ERG28: variants seen among roughly 807,000 people sequenced by gnomAD.
The protein encoded by ERG28 is ergosterol biosynthesis 28 homolog.
ERG28 carries 9 observed loss-of-function variants against 15.7 expected under a neutral mutation model. The observed-to-expected ratio is 0.57, with a 90% confidence interval of 0.35 to 1.00. The LOEUF is 1.00. Among genes scored for constraint, ERG28 ranks in the 50% least tolerant of loss-of-function variants. ERG28 has a pLI of 0.02. For missense variants in ERG28, 117 were observed against 173.3 expected, an observed-to-expected ratio of 0.68 and a Z score of 1.82; for synonymous variants, 61 against 68.4, an observed-to-expected ratio of 0.89 and a Z score of 0.53.
At chr14:75,651,678 C>T in intron 4 of ERG28, 44 bp from the exon 5 acceptor site, 1 of 1,596,716 alleles carries the variant, frequency 6.3e-7, no homozygotes, top group Non-Finnish European at 8.6e-7. Context: ...ACATACGGTA[C>T]CTTTCTTCTC....
At chr14:75,657,326 C>A (rs1213351164) in intron 2 of ERG28, 44 bp downstream of exon 2, 1 of 1,609,042 alleles carries the variant, frequency 6.2e-7, no homozygotes, top group East Asian at 2.2e-5. Flanking sequence ...TAGGGCCAGT[C>A]CTATAAGTCC....
At chr14:75,655,081 T>C in intron 2 of ERG28, 105 bp from the exon 3 acceptor site, 1 of 1,105,742 alleles carries the variant, frequency 9.0e-7, no homozygotes, top group Non-Finnish European at 1.4e-6. Context: ...GAGCTGGACC[T>C]GACCTCTCTG....
intron 3 of ERG28, 115 bp downstream of exon 3, chr14:75,654,771 C>T (rs762742569): frequency 7.9e-6 from 9 of 1,134,266 alleles, no homozygotes; most frequent in Non-Finnish European, 1.2e-5. Flanking sequence ...TTATTATTCA[C>T]ATTCTAAGCT....
intron 4 of ERG28, 42 bp from the exon 5 acceptor site, chr14:75,651,676 T>TAC (rs775703018): frequency 6.3e-7 from 1 of 1,598,292 alleles, no homozygotes; most frequent in South Asian, 1.1e-5. Flanking sequence ...ATACATACGG[T>TAC]ACCTTTCTTC....
intron 2 of ERG28, 121 bp downstream of exon 2, chr14:75,657,249 G>A: frequency 8.0e-7 from 1 of 1,244,818 alleles, no homozygotes; most frequent in South Asian, 1.6e-5. Context: ...TGAGGGAAAT[G>A]GGTACCTGTG....
intron 1 of ERG28, 87 bp downstream of exon 1, chr14:75,660,688 A>C (rs1594825787): frequency 1.3e-5 from 2 of 149,380 alleles, no homozygotes; most frequent in East Asian, 2.0e-4. Context: ...CTTCCATCCC[A>C]CCTCCATTTT....
At position 75,650,926 on chromosome 14, in the gene ERG28, G is replaced by A. The variant is rs1305406933; in HGVS notation, c.*629C>T. On this transcript the variant is annotated 3_prime_UTR_variant, in exon 5 of 5. Transcript: ENST00000256319. ...GAGGGTTTTTCTATTTATTACAAAA[G>A]TTGTTACACAAATACAGCTGACCAG... The A allele has an allele frequency of 6.6e-6, 1 of 152,616 alleles. No homozygotes were observed. Among genetic ancestry groups the A allele is most frequent in the East Asian group, 1.9e-4 (1 of 5,200 alleles). The allele number at this position is 152,616 out of a possible 1,614,324, so 9.5% of individuals were successfully genotyped here.
intron 3 of ERG28, among the ~76,000 whole-genome samples, chr14:75,653,533 C>T (rs1183172422): frequency 4.0e-5 from 6 of 148,844 alleles, no homozygotes; most frequent in Non-Finnish European, 1.5e-5. Flanking sequence ...ACCCAGGAGG[C>T]GGAGGTGGAG....
At chr14:75,659,829 A>G (rs1890655066) in intron 1 of ERG28, among the ~76,000 whole-genome samples, 1 of 151,570 alleles carries the variant, frequency 6.6e-6, no homozygotes, top group Admixed American at 6.6e-5. Flanking sequence ...GACAGATATT[A>G]AAGTCAGCAA....
chr14:75,653,177 G>C (rs980523143), intron 3 of ERG28, among the ~76,000 whole-genome samples: 1 of 152,076 alleles, frequency 6.6e-6, no homozygotes, highest in African/African-American at 2.4e-5. Flanking sequence ...AGTTAGGGAG[G>C]GAATAGGATC....
At chr14:75,653,357 C>T (rs1451668837) in intron 3 of ERG28, among the ~76,000 whole-genome samples, 1 of 151,708 alleles carries the variant, frequency 6.6e-6, no homozygotes, top group African/African-American at 2.4e-5. Context: ...GTAATCCCAG[C>T]ACCTTGGAGG....
chr14:75,650,272 T>C lies in ERG28; in HGVS notation c.*1283A>G, dbSNP rs1165770621. The C allele has an allele frequency of 6.6e-6, 1 of 152,320 alleles. No individual in the cohort carries two copies. Among genetic ancestry groups the C allele is most frequent in the Non-Finnish European group, 1.5e-5 (1 of 68,082 alleles). 9.4% of individuals were successfully genotyped at this position (152,320 alleles called of 1,614,324 possible). ...AATACCTTGTGTTTGTTAGAGTTCT[T>C]ATCCCTATTTGAAGTTCTTTATTTT... On this transcript the variant is annotated 3_prime_UTR_variant, in exon 5 of 5. Coordinates refer to ENST00000256319, the MANE Select transcript of ERG28 (RefSeq NM_007176.4).
At chr14:75,655,443 A>C (rs1057134201) in intron 2 of ERG28, among the ~76,000 whole-genome samples, 37 of 152,086 alleles carry the variant, frequency 2.4e-4, no homozygotes, top group African/African-American at 8.9e-4. Flanking sequence ...GGTCTTTAAG[A>C]TATGTGAGTG....
Position 75,651,290 on chromosome 14 carries a change from C to T in ERG28, c.*265G>A. The T allele has an allele frequency of 3.3e-6, 1 of 303,124 alleles. No individual in the cohort carries two copies. The highest frequency in any genetic ancestry group is 7.7e-5 in the South Asian group (1 of 13,042). The allele number at this position is 303,124 out of a possible 1,614,324, so 18.8% of individuals were successfully genotyped here. ...AGAGGTTGCAGGTAGGGGAAGGAGA[C>T]ACAGTGGGCTTCCGAGAAGCTGGCA... is the stretch of plus-strand genomic sequence containing the variant. On this transcript the variant is annotated 3_prime_UTR_variant, in exon 5 of 5. Transcript: ENST00000256319.
At position 75,651,879 on chromosome 14, in the gene ERG28, T is replaced by C. The variant is rs537865439; in HGVS notation, c.235A>G (p.Ile79Val). The change falls in exon 4 of 5, where the codon ATC (isoleucine) becomes GTC (valine). Residue 79 changes from isoleucine (I) to valine (V), a missense_variant. Transcript: ENST00000256319. The part of the protein sequence containing the change: ...IDIHNKTLYH[I>V]TLWTFLLALG... ...GCAAGGAGGAAGGTCCAGAGTGTGA[T>C]GTGATAGAGCCTATAAGGAAGCAGA... 15 of 1,609,144 alleles carry C rather than the reference T, an allele frequency of 9.3e-6. 1 individual carries two copies. In the South Asian group the frequency reaches 1.6e-4, roughly 18 times the overall value.
At chr14:75,654,829 T>C in intron 3 of ERG28, 57 bp downstream of exon 3, 1 of 1,503,432 alleles carries the variant, frequency 6.7e-7, no homozygotes, top group South Asian at 1.1e-5. Context: ...GTAACAGGTA[T>C]GCCTCGCATC....
chr14:75,652,153 C>T (rs1293875116), intron 3 of ERG28, among the ~76,000 whole-genome samples: 1 of 152,236 alleles, frequency 6.6e-6, no homozygotes, highest in Non-Finnish European at 1.5e-5. Context: ...AAGTGGTGAA[C>T]TCAGCTATAG....
rs931375581 is a variant in ERG28, at chr14:75,655,084, C to G, written c.134-108G>C. 3 of 1,082,178 alleles carry G rather than the reference C, an allele frequency of 2.8e-6. No homozygotes were observed. In the African/African-American group the frequency reaches 4.7e-5, roughly 17 times the overall value. 67.0% of individuals were successfully genotyped at this position (1,082,178 alleles called of 1,614,324 possible). A position where few individuals can be genotyped will look rare whatever the true frequency, so the allele number is the denominator to read the frequency against. ...ATGGGAGATAGGGAGCTGGACCTGA[C>G]CTCTCTGTGGCTGGGCAGGATGGAG... is the stretch of plus-strand genomic sequence containing the variant. On this transcript the variant is annotated intron_variant, in intron 2 of 4. Coordinates refer to ENST00000256319, the MANE Select transcript of ERG28 (RefSeq NM_007176.4).
chr14:75,660,209 C>G lies in ERG28; in HGVS notation c.-32+566G>C, dbSNP rs112494718. Among the ~76,000 whole-genome samples, 612 of 152,344 alleles carry G rather than the reference C, an allele frequency of 4.0e-3. 3 individuals carry two copies. Among genetic ancestry groups the G allele is most frequent in the Non-Finnish European group, 5.8e-3 (394 of 68,032 alleles). ...ATAGCTGATGAGGACAGAGCCTGAGCACTTCTGAATTGCTCTGCCAATTTC... is the reference window on the plus strand; with the variant it reads ...ATAGCTGATGAGGACAGAGCCTGAGGACTTCTGAATTGCTCTGCCAATTTC... On this transcript the variant is annotated intron_variant, in intron 1 of 4. Transcript: ENST00000256319.
Sources: allele counts gnomAD v4.1 joint callset (sites outside exome capture counted in the v4.1 genomes callset), GRCh38; gene constraint gnomAD v4.1.1; transcripts MANE v1.5; gene names NCBI Gene and HGNC (gene_info 2026-07-23, HGNC 2026-07-21).